PCDH11X: variants seen among roughly 807,000 people sequenced by gnomAD.
PCDH11X encodes protocadherin 11 X-linked.
In PCDH11X, 18 loss-of-function variants were observed where a neutral mutation model predicts 53.3. The observed-to-expected ratio is 0.34, with a 90% CI of 0.23 to 0.50. The LOEUF is 0.50. PCDH11X is among the 20% of genes least tolerant of loss of function. The pLI is 0.98. For synonymous variants in PCDH11X, 279 were observed against 393.3 expected, an observed-to-expected ratio of 0.71 and a Z score of 3.44; for missense variants, 570 against 1,032.4, an observed-to-expected ratio of 0.55 and a Z score of 6.14.
At chrX:92,519,454 A>T (rs1423048203) in intron 10 of PCDH11X, among the ~76,000 whole-genome samples, 3 of 106,462 alleles carry the variant, frequency 2.8e-5, no homozygotes, top group Non-Finnish European at 5.8e-5. Flanking sequence ...CTGGCAACGT[A>T]CTTAAGTATA....
At chrX:92,248,759 TG>T (rs1383932984) in intron 7 of PCDH11X, among the ~76,000 whole-genome samples, 1 of 111,506 alleles carries the variant, frequency 9.0e-6, no homozygotes, top group Non-Finnish European at 1.9e-5. Context: ...GGTGCGATCT[TG>T]GCTCCGCCTC....
intron 8 of PCDH11X, among the ~76,000 whole-genome samples, chrX:92,315,256 C>G (rs1439844993): frequency 1.8e-5 from 2 of 112,152 alleles, no homozygotes; most frequent in Non-Finnish European, 3.8e-5. Context: ...TTACTCCTGC[C>G]AGATCTATAT....
chrX:92,082,398 CTGAATGTCACCGAAA>C (rs1188080891), intron 6 of PCDH11X, among the ~76,000 whole-genome samples: 1 of 110,381 alleles, frequency 9.1e-6, no homozygotes, highest in Non-Finnish European at 1.9e-5. Context: ...AATCATTTGT[CTGAATGTCACCGAAA>C]TGAAGTGAAT....
chrX:92,082,795 G>GA (rs1293137148), intron 6 of PCDH11X, among the ~76,000 whole-genome samples: 1 of 111,702 alleles, frequency 9.0e-6, no homozygotes, highest in African/African-American at 3.2e-5. Context: ...AAAATAGCTG[G>GA]AAAAAACACA....
At chrX:91,856,901 G>A (rs1484870491) in intron 5 of PCDH11X, among the ~76,000 whole-genome samples, 5 of 111,654 alleles carry the variant, frequency 4.5e-5, no homozygotes, top group Admixed American at 9.5e-5. Flanking sequence ...GAATAGTGCT[G>A]CAATGAACAT....
At chrX:92,041,491 A>T (rs1442459003) in intron 6 of PCDH11X, among the ~76,000 whole-genome samples, 2 of 110,436 alleles carry the variant, frequency 1.8e-5, no homozygotes, top group Non-Finnish European at 3.8e-5. Flanking sequence ...CCCAAGATAT[A>T]TGCTTCTTCC....
intron 10 of PCDH11X, among the ~76,000 whole-genome samples, chrX:92,596,133 A>G (rs1043618756): frequency 8.9e-6 from 1 of 112,067 alleles, no homozygotes; most frequent in African/African-American, 3.2e-5. Flanking sequence ...CTTTCTAACA[A>G]CCTATGGTTT....
At chrX:92,093,124 G>A (rs746964108) in intron 6 of PCDH11X, among the ~76,000 whole-genome samples, 1 of 111,111 alleles carries the variant, frequency 9.0e-6, no homozygotes, top group African/African-American at 3.3e-5. Flanking sequence ...ATACAACCTG[G>A]AGAATGCCGA....
At chrX:92,235,652 C>T (rs1850481297) in intron 7 of PCDH11X, among the ~76,000 whole-genome samples, 2 of 110,950 alleles carry the variant, frequency 1.8e-5, no homozygotes, top group African/African-American at 6.5e-5. Flanking sequence ...TCAAAATTAT[C>T]TTTATATTTT....
intron 6 of PCDH11X, among the ~76,000 whole-genome samples, chrX:92,157,974 G>A (rs1240776516): frequency 9.0e-6 from 1 of 111,346 alleles, no homozygotes; most frequent in Non-Finnish European, 1.9e-5. Flanking sequence ...CAGCACTTTG[G>A]GGGGCTGAGG....
chrX:92,467,136 T>A (rs2750678), intron 9 of PCDH11X, among the ~76,000 whole-genome samples: 6 of 111,092 alleles, frequency 5.4e-5, no homozygotes, highest in Admixed American at 9.6e-5. Context: ...AGCACTATTT[T>A]AAAAAAATTT....
At chrX:92,070,072 TC>T (rs1405085736) in intron 6 of PCDH11X, among the ~76,000 whole-genome samples, 1 of 111,694 alleles carries the variant, frequency 9.0e-6, no homozygotes, top group Non-Finnish European at 1.9e-5. Flanking sequence ...TTTAACTTCA[TC>T]CCCCCATTAT....
intron 6 of PCDH11X, among the ~76,000 whole-genome samples, chrX:91,950,391 G>A (rs951212964): frequency 9.2e-6 from 1 of 108,781 alleles, no homozygotes; most frequent in Non-Finnish European, 1.9e-5. Context: ...CCACTTATAA[G>A]TGAGAACATG....
chrX:92,278,642 A>G (rs2068167774), intron 8 of PCDH11X, among the ~76,000 whole-genome samples: 1 of 110,153 alleles, frequency 9.1e-6, no homozygotes, highest in Admixed American at 9.7e-5. Flanking sequence ...AAGGTGGGGC[A>G]GGAACAAATC....
intron 4 of PCDH11X, among the ~76,000 whole-genome samples, chrX:91,827,355 G>A (rs1266478227): frequency 9.0e-6 from 1 of 111,096 alleles, no homozygotes; most frequent in Non-Finnish European, 1.9e-5. Flanking sequence ...CTGGATATTA[G>A]ACCTTTGTCA....
intron 8 of PCDH11X, among the ~76,000 whole-genome samples, chrX:92,293,101 C>G (rs1198916489): frequency 9.4e-6 from 1 of 106,117 alleles, no homozygotes; most frequent in Non-Finnish European, 1.9e-5. Context: ...AAAATGTCTT[C>G]TACAGAAAAT....
At chrX:92,310,180 G>A (rs997658957) in intron 8 of PCDH11X, among the ~76,000 whole-genome samples, 2 of 111,599 alleles carry the variant, frequency 1.8e-5, no homozygotes, top group East Asian at 2.8e-4. Context: ...TTTCTCCACC[G>A]TGTCCGGTAT....
chrX:92,256,899 T>G (rs12556807), intron 7 of PCDH11X, among the ~76,000 whole-genome samples: 4,369 of 111,547 alleles, frequency 0.039, 112 homozygotes, highest in East Asian at 0.24. Context: ...TCTCAGTCCT[T>G]TTTTTTCCGT....
intron 9 of PCDH11X, among the ~76,000 whole-genome samples, chrX:92,465,775 A>C (rs1456292935): frequency 9.1e-6 from 1 of 110,463 alleles, no homozygotes; most frequent in Non-Finnish European, 1.9e-5. Flanking sequence ...AGTAATATTT[A>C]TGAAACTCAA....
Sources: gnomAD v4.1 joint callset for allele counts (sites outside exome capture counted in the v4.1 genomes callset) on GRCh38, gnomAD v4.1.1 for gene constraint, MANE v1.5 for transcripts, NCBI Gene and HGNC (gene_info 2026-07-23, HGNC 2026-07-21) for gene names.